The following PLEKHD1 variants were observed in gnomAD, a reference collection of about 807,000 sequenced individuals.
The protein encoded by PLEKHD1 is pleckstrin homology and coiled-coil domain containing D1.
PLEKHD1 carries 51 observed loss-of-function variants against 69.2 expected under a neutral mutation model. The ratio of observed to expected loss-of-function variants is 0.74; its 90% CI spans 0.59 to 0.93. The LOEUF (loss-of-function observed/expected upper bound fraction) is 0.93, where lower values mean the gene tolerates loss of function less well. Among genes scored for constraint, PLEKHD1 ranks in the 40% least tolerant of loss-of-function variants. The probability of loss-of-function intolerance (pLI) is 0.00; values close to 1 mark genes in which losing one functional copy is unlikely to be tolerated. For missense variants in PLEKHD1, 584 were observed against 641.0 expected (o/e 0.91, Z 0.96); for synonymous variants, 236 against 244.7 (o/e 0.96, Z 0.33).
Position 69,500,662 on chromosome 14 carries a change from TC to T in PLEKHD1, c.331del (p.His111MetfsTer27), listed in dbSNP as rs1208288152. The T allele has an allele frequency of 1.3e-6, 2 of 1,551,246 alleles. No homozygotes were observed. Among genetic ancestry groups the T allele is most frequent in the Admixed American group, 3.9e-5 (2 of 50,968 alleles). ...PYAMKISHQD[F>X]HGNILLAAES... is the part of the protein sequence containing the mutation. ...GCCATGAAGATCTCCCACCAGGACT[TC>T]CATGTGAGTAAAGCTCTTCCCTCAG... On this transcript the variant is annotated frameshift_variant, in exon 3 of 13. Coordinates refer to ENST00000322564, the MANE Select transcript of PLEKHD1 (RefSeq NM_001161498.2). LOFTEE classifies it high-confidence loss of function.
rs191288229 is a variant in PLEKHD1 at position 69,504,309 on chromosome 14, T to G, written c.555+1430T>G. On this transcript the variant is annotated intron_variant, in intron 6 of 12. Transcript: ENST00000322564. The stretch of plus-strand genomic sequence containing the variant: ...GAGGGCCTTATTTAGTTCACTTTTC[T>G]TTGCCTAGTCACTTGTCCTTGTCCT... Among the ~76,000 whole-genome samples, 377 of 152,308 alleles carry G rather than the reference T, an allele frequency of 2.5e-3. 2 individuals carry two copies. Among genetic ancestry groups the G allele is most frequent in the African/African-American group, 8.5e-3 (355 of 41,576 alleles).
intron 6 of PLEKHD1, among the ~76,000 whole-genome samples, chr14:69,517,415 G>A (rs142986548): frequency 6.6e-6 from 1 of 151,850 alleles, no homozygotes; most frequent in East Asian, 1.9e-4. Context: ...GAGTAGGGAC[G>A]ACAGGTATCA....
At chr14:69,521,221 G>A (rs547175821) in intron 6 of PLEKHD1, among the ~76,000 whole-genome samples, 1 of 152,354 alleles carries the variant, frequency 6.6e-6, no homozygotes, top group Admixed American at 6.5e-5. Flanking sequence ...AGGTCAGTTT[G>A]TAACCAGTGA....
rs1348112496 is a variant in PLEKHD1 at position 69,522,266 on chromosome 14, C to T, written c.556-17C>T. The stretch of plus-strand genomic sequence containing the variant: ...TTTGCTGCCTGTGACTCTTCTCTTC[C>T]TCTCTGGTCTCTTCAGGAGCTTGAG... On this transcript the variant is annotated splice_polypyrimidine_tract_variant and intron_variant, in intron 6 of 12. Transcript: ENST00000322564. The T allele has an allele frequency of 3.2e-6, 5 of 1,550,626 alleles. No homozygotes were observed. The highest frequency in any genetic ancestry group is 2.4e-5 in the South Asian group (2 of 83,982).
chr14:69,501,378 A>G, intron 4 of PLEKHD1: 1 of 314,064 alleles, frequency 3.2e-6, no homozygotes, highest in Non-Finnish European at 5.9e-6. Flanking sequence ...TCATGCTTTT[A>G]GTTCCAAAAA....
chr14:69,500,611 C>A lies in PLEKHD1; in HGVS notation c.278C>A (p.Pro93His). Reference protein sequence around the residue: ...VIPLGGCLVEPKEEPSMPYAM... With the variant: ...VIPLGGCLVEHKEEPSMPYAM... ...CCTCTGGGGGGCTGCCTGGTGGAGC[C>A]CAAGGAAGAGCCTAGCATGCCCTAT... is the stretch of plus-strand genomic sequence containing the variant. The change falls in exon 3 of 13, where the codon CCC (proline) becomes CAC (histidine). Residue 93 changes from proline to histidine, a missense_variant. Transcript: ENST00000322564. The A allele has an allele frequency of 6.4e-7, 1 of 1,551,294 alleles. No individual in the cohort carries two copies. The highest frequency in any genetic ancestry group is 8.7e-7 in the Non-Finnish European group (1 of 1,146,808).
At chr14:69,483,060 A>C (rs933503578), upstream of PLEKHD1, among the ~76,000 whole-genome samples, 6 of 152,148 alleles carry the variant, frequency 3.9e-5, no homozygotes, top group African/African-American at 1.4e-4. Context: ...GGCTCTCATC[A>C]TCTTCCCAGT....
chr14:69,501,904 C>T, intron 5 of PLEKHD1, 79 bp downstream of exon 5: 1 of 1,281,778 alleles, frequency 7.8e-7, no homozygotes, highest in Non-Finnish European at 1.1e-6. Context: ...GTAAAGGATG[C>T]AGCAGGGATG....
chr14:69,479,816 C>G (rs1353130011), upstream of PLEKHD1, among the ~76,000 whole-genome samples: 1 of 152,156 alleles, frequency 6.6e-6, no homozygotes, highest in Non-Finnish European at 1.5e-5. Context: ...GGTGACCAAT[C>G]TGCCATCTAG....
chr14:69,487,182 AACACACACACACACAC>A (rs199671230), intron 1 of PLEKHD1, among the ~76,000 whole-genome samples: 10 of 140,356 alleles, frequency 7.1e-5, no homozygotes, highest in Non-Finnish European at 9.2e-5. Flanking sequence ...GGGAATACAC[AACACACACACACACAC>A]ACACACACAC....
chr14:69,524,374 A>C (rs1883591261), intron 8 of PLEKHD1, 52 bp downstream of exon 8: 2 of 1,423,886 alleles, frequency 1.4e-6, no homozygotes, highest in African/African-American at 2.8e-5. Context: ...GGTTGGTTGG[A>C]CCACATGACA....
At chr14:69,521,732 C>T (rs1856409801) in intron 6 of PLEKHD1, among the ~76,000 whole-genome samples, 1 of 152,168 alleles carries the variant, frequency 6.6e-6, no homozygotes, top group Admixed American at 6.6e-5. Flanking sequence ...CTTTCTAGTT[C>T]TCCTCCACTT....
intron 6 of PLEKHD1, among the ~76,000 whole-genome samples, chr14:69,507,932 A>G (rs1883187731): frequency 6.6e-6 from 1 of 152,078 alleles, no homozygotes; most frequent in East Asian, 1.9e-4. Flanking sequence ...TCCTGAGATC[A>G]AGTGATCTCC....
chr14:69,527,683 T>C (rs1883687216), intron 11 of PLEKHD1, 100 bp from the exon 12 acceptor site: 3 of 1,425,588 alleles, frequency 2.1e-6, no homozygotes, highest in Non-Finnish European at 2.8e-6. Context: ...GGGGTCAAAA[T>C]ATTTCCCACT....
intron 1 of PLEKHD1, among the ~76,000 whole-genome samples, chr14:69,492,215 T>C (rs1251670523): frequency 6.6e-6 from 1 of 152,204 alleles, no homozygotes; most frequent in Non-Finnish European, 1.5e-5. Context: ...TTGAACACAC[T>C]ATTCTTTGCC....
intron 1 of PLEKHD1, among the ~76,000 whole-genome samples, chr14:69,491,661 A>G (rs533919715): frequency 3.9e-5 from 6 of 152,180 alleles, no homozygotes; most frequent in African/African-American, 1.4e-4. Flanking sequence ...CTGTGGTTCT[A>G]GATAACATTT....
intron 12 of PLEKHD1, 60 bp downstream of exon 12, chr14:69,527,992 TG>T: frequency 1.9e-6 from 3 of 1,547,378 alleles, no homozygotes; most frequent in Non-Finnish European, 2.6e-6. Context: ...GAGGGCAACA[TG>T]GGGAGCCAGA....
chr14:69,508,481 C>T (rs1040465162), intron 6 of PLEKHD1, among the ~76,000 whole-genome samples: 7 of 152,074 alleles, frequency 4.6e-5, no homozygotes, highest in South Asian at 2.1e-4. Context: ...AGTGCAGTGG[C>T]GTGATCACGG....
intron 6 of PLEKHD1, among the ~76,000 whole-genome samples, chr14:69,518,940 GTT>G (rs1392066949): frequency 2.0e-5 from 3 of 152,076 alleles, no homozygotes; most frequent in Non-Finnish European, 2.9e-5. Flanking sequence ...GCTAAGAGCT[GTT>G]CCCTAGCTCT....
Sources: allele counts gnomAD v4.1 joint callset (sites outside exome capture counted in the v4.1 genomes callset), GRCh38; gene constraint gnomAD v4.1.1; transcripts MANE v1.5; gene names NCBI Gene and HGNC (gene_info 2026-07-23, HGNC 2026-07-21).